The following SAMMSON variants were observed in gnomAD, a reference collection of about 807,000 sequenced individuals.
SAMMSON encodes the protein survival associated mitochondrial melanoma specific oncogenic non-coding RNA, also known as long intergenic non-protein coding RNA 1212.
intron 6 of SAMMSON, among the ~76,000 whole-genome samples, chr3:70,281,341 C>G (rs1032621406): frequency 2.0e-5 from 3 of 152,160 alleles, no homozygotes; most frequent in Non-Finnish European, 4.4e-5. Flanking sequence ...TCCATTCTCT[C>G]TCAACTTCAT....
chr3:70,144,614 C>A (rs2067540600), intron 4 of SAMMSON, among the ~76,000 whole-genome samples: 1 of 152,136 alleles, frequency 6.6e-6, no homozygotes, highest in Non-Finnish European at 1.5e-5. Context: ...TGTGTCCCCA[C>A]CCAAATCTCA....
chr3:70,322,930 T>C (rs542294230), intron 7 of SAMMSON, among the ~76,000 whole-genome samples: 32 of 152,236 alleles, frequency 2.1e-4, no homozygotes, highest in African/African-American at 7.7e-4. Flanking sequence ...GTTAATGTTA[T>C]ACAAATTCTA....
intron 9 of SAMMSON, among the ~76,000 whole-genome samples, chr3:70,388,145 A>G (rs1362386682): frequency 6.6e-6 from 1 of 152,156 alleles, no homozygotes; most frequent in Non-Finnish European, 1.5e-5. Flanking sequence ...GATGCATAAT[A>G]TAGGCATCTG....
chr3:70,135,218 A>G (rs1034171075), intron 4 of SAMMSON, among the ~76,000 whole-genome samples: 1 of 152,184 alleles, frequency 6.6e-6, no homozygotes, highest in Admixed American at 6.5e-5. Flanking sequence ...ATAAGATTAT[A>G]TGACTGACTA....
chr3:70,363,941 T>G (rs1702898455), intron 9 of SAMMSON, among the ~76,000 whole-genome samples: 1 of 151,874 alleles, frequency 6.6e-6, no homozygotes, highest in South Asian at 2.1e-4. Context: ...CAGATATATT[T>G]CTAGCTTTTT....
chr3:70,297,711 AT>A (rs1163824180), intron 7 of SAMMSON, among the ~76,000 whole-genome samples: 1 of 151,852 alleles, frequency 6.6e-6, no homozygotes, highest in Non-Finnish European at 1.5e-5. Context: ...GTTTATTATT[AT>A]TTTTTTCCTT....
chr3:70,191,193 C>T (rs1343187282), intron 4 of SAMMSON, among the ~76,000 whole-genome samples: 3 of 152,188 alleles, frequency 2.0e-5, no homozygotes, highest in Non-Finnish European at 4.4e-5. Flanking sequence ...AATGAAAGCT[C>T]TGTATCCACA....
At chr3:70,258,531 G>A (rs759201277) in intron 6 of SAMMSON, among the ~76,000 whole-genome samples, 2 of 152,120 alleles carry the variant, frequency 1.3e-5, no homozygotes, top group Admixed American at 6.6e-5. Flanking sequence ...AGCTAGTAGA[G>A]TCTCATTTTT....
At chr3:70,226,211 G>A (rs1239650682) in intron 4 of SAMMSON, among the ~76,000 whole-genome samples, 1 of 152,132 alleles carries the variant, frequency 6.6e-6, no homozygotes, top group African/African-American at 2.4e-5. Flanking sequence ...AAAGTGCCAG[G>A]CAATATACTA....
At chr3:70,171,939 G>C (rs978341957) in intron 4 of SAMMSON, among the ~76,000 whole-genome samples, 1 of 151,612 alleles carries the variant, frequency 6.6e-6, no homozygotes, top group Non-Finnish European at 1.5e-5. Flanking sequence ...TAAGGCTATA[G>C]TGGAGTGATT....
At chr3:70,030,628 TC>T (rs2067061198) in intron 3 of SAMMSON, 2 of 152,108 alleles carry the variant, frequency 1.3e-5, no homozygotes, top group South Asian at 4.1e-4. Context: ...ACTCCATAGG[TC>T]TGTAAGTGGT....
chr3:70,167,359 G>A (rs1576141428), intron 4 of SAMMSON, among the ~76,000 whole-genome samples: 1 of 151,980 alleles, frequency 6.6e-6, no homozygotes, highest in East Asian at 1.9e-4. Flanking sequence ...TTTAAATAGT[G>A]AGCAGAATTC....
At chr3:70,192,513 A>G (rs967717840) in intron 4 of SAMMSON, among the ~76,000 whole-genome samples, 2 of 152,186 alleles carry the variant, frequency 1.3e-5, no homozygotes, top group African/African-American at 4.8e-5. Flanking sequence ...AAATTACACC[A>G]CATTGTAAAT....
chr3:70,008,267 C>G (rs2066937258), intron 1 of SAMMSON, among the ~76,000 whole-genome samples: 1 of 152,166 alleles, frequency 6.6e-6, no homozygotes, highest in African/African-American at 2.4e-5. Context: ...ATTGATTCTT[C>G]CTACCCATGA....
intron 4 of SAMMSON, among the ~76,000 whole-genome samples, chr3:70,242,994 A>C (rs936709051): frequency 1.3e-5 from 2 of 152,204 alleles, no homozygotes; most frequent in Non-Finnish European, 2.9e-5. Flanking sequence ...ATTTCCCAAG[A>C]GCAGAACGAT....
intron 2 of SAMMSON, among the ~76,000 whole-genome samples, chr3:70,417,381 G>A (rs1701271980): frequency 6.6e-6 from 1 of 152,082 alleles, no homozygotes; most frequent in South Asian, 2.1e-4. Flanking sequence ...CTTTCCCTAG[G>A]ACAATGATCA....
At chr3:70,009,430 A>C (rs1026367886) in intron 1 of SAMMSON, 1 of 152,122 alleles carries the variant, frequency 6.6e-6, no homozygotes, top group African/African-American at 2.4e-5. Flanking sequence ...ATTTGCGTAG[A>C]GGTGTTTATA....
intron 7 of SAMMSON, among the ~76,000 whole-genome samples, chr3:70,338,107 A>G (rs116585527): frequency 0.011 from 1,620 of 151,898 alleles, 21 homozygotes; most frequent in African/African-American, 0.036. Context: ...GTGTGTTTTA[A>G]TGAGGGAAAT....
In SAMMSON at chr3:70,196,827, G is replaced by A; in HGVS notation, n.508-52280G>A. ...ATGGCCTATAGCATCCAAGAAATGT[G>A]TACAGTCCTTACATTTCAGCACATG... is the stretch of plus-strand genomic sequence containing the variant. On this transcript the variant is annotated intron_variant and non_coding_transcript_variant, in intron 4 of 9. Transcript: ENST00000642114. 7.5e-6 allele frequency: 3 copies of A among 397,402 alleles called. 1 individual carries two copies. Among genetic ancestry groups the A allele is most frequent in the Non-Finnish European group, 1.3e-5 (3 of 225,786 alleles). 24.6% of individuals were successfully genotyped at this position (397,402 alleles called of 1,614,324 possible).
Sources: gnomAD v4.1 joint callset for allele counts (sites outside exome capture counted in the v4.1 genomes callset) on GRCh38, gnomAD v4.1.1 for gene constraint, MANE v1.5 for transcripts, NCBI Gene and HGNC (gene_info 2026-07-23, HGNC 2026-07-21) for gene names.